SCP2: variants seen among roughly 807,000 people sequenced by gnomAD.
The protein encoded by SCP2 is sterol carrier protein 2, also known as SCP-2/3-oxoacyl-CoA thiolase.
In SCP2, 48 loss-of-function variants were observed where a neutral mutation model predicts 71.4. The ratio of observed to expected loss-of-function variants is 0.67; its 90% confidence interval spans 0.53 to 0.86. The LOEUF is 0.86. Among genes scored for constraint, SCP2 ranks in the 40% least tolerant of loss-of-function variants. The pLI, the probability that SCP2 is intolerant of heterozygous loss-of-function variation, is 0.00. For synonymous variants in SCP2, 220 were observed against 218.1 expected, an observed-to-expected ratio of 1.01 and a Z score of -0.08; for missense variants, 560 against 655.6, an observed-to-expected ratio of 0.85 and a Z score of 1.59.
chr1:52,979,873 A>G (rs1658321005), intron 9 of SCP2, among the ~76,000 whole-genome samples: 1 of 151,948 alleles, frequency 6.6e-6, no homozygotes, highest in Non-Finnish European at 1.5e-5. Flanking sequence ...TATAGAATCA[A>G]TTGACTGACC....
rs967380317 is a variant in SCP2, at chr1:52,980,476, A to G, written c.906A>G (p.Ile302Met). The stretch of plus-strand genomic sequence containing the variant: ...TGACACCAAATGATATTGACGTAAT[A>G]GAACTTCACGATTGCTTTTCTACCA... ...SGLTPNDIDV[I>M]ELHDCFSTNE... is the part of the protein sequence containing the mutation. The change falls in exon 10 of 16, where the codon ATA becomes ATG. Residue 302 changes from isoleucine (I) to methionine (M), a missense_variant. Physicochemically the swap from Ile to Met is conservative, Grantham distance 10. Coordinates refer to ENST00000371514, the MANE Select transcript of SCP2 (RefSeq NM_002979.5). 2.5e-6 allele frequency: 4 copies of G among 1,613,888 alleles called. No homozygotes were observed. In the Admixed American group the frequency reaches 5.0e-5, roughly 20 times the overall value.
chr1:52,995,826 G>C lies in SCP2; in HGVS notation c.1081+7690G>C, dbSNP rs545415340. 10 of 1,014,656 alleles carry C rather than the reference G, an allele frequency of 9.9e-6. No homozygotes were observed. The East Asian group carries it at 2.4e-4, about 24-fold the overall frequency. The allele number at this position is 1,014,656 out of a possible 1,614,324, so 62.9% of individuals were successfully genotyped here. A position where few individuals can be genotyped will look rare whatever the true frequency, so the allele number is the denominator to read the frequency against. ...AGCACGGCCATCCAGGAGCTCTTCAGGTGCATCTTGGAGCAGTTCACTGCC... is the reference window on the plus strand; with the variant it reads ...AGCACGGCCATCCAGGAGCTCTTCACGTGCATCTTGGAGCAGTTCACTGCC... On this transcript the variant is annotated intron_variant, in intron 11 of 15. Coordinates refer to ENST00000371514, the MANE Select transcript of SCP2 (RefSeq NM_002979.5).
At chr1:52,969,138 G>C (rs923371504) in intron 6 of SCP2, among the ~76,000 whole-genome samples, 1 of 151,056 alleles carries the variant, frequency 6.6e-6, no homozygotes, top group Non-Finnish European at 1.5e-5. Flanking sequence ...AGGCAGAAGA[G>C]GCAGGCATAC....
intron 15 of SCP2, chr1:53,049,201 C>T (rs1256319610): frequency 1.3e-5 from 2 of 152,266 alleles, no homozygotes; most frequent in Non-Finnish European, 2.9e-5. Context: ...ACATGCCATG[C>T]ACAGCTTTGG....
At position 52,948,038 on chromosome 1, in the gene SCP2, C is replaced by T. The variant is rs773719700; in HGVS notation, c.157C>T (p.Pro53Ser). ...GKKALADAQI[P>S]YSAVDQACVG... ...GAAGGCTTTAGCTGATGCACAGATC[C>T]CTTATTCAGCAGTGGACCAGGCATG... Residue 53 changes from proline (P) to serine (S), a missense_variant, in exon 3 of 16, where the codon CCT (proline) becomes TCT (serine). Physicochemically the swap from Pro to Ser is moderately conservative, Grantham distance 74 (BLOSUM62 -1). Around this residue, in one of 3 missense-constraint regions of SCP2, gnomAD observed 513 missense variants for 573.1 expected, o/e 0.90. Coordinates refer to ENST00000371514, the MANE Select transcript of SCP2 (RefSeq NM_002979.5). 7.4e-6 allele frequency: 12 copies of T among 1,613,088 alleles called. No homozygotes were observed. Among genetic ancestry groups the T allele is most frequent in the Admixed American group, 1.7e-5 (1 of 59,982 alleles).
chr1:53,048,198 G>C (rs1184879762), intron 15 of SCP2: 1 of 419,042 alleles, frequency 2.4e-6, no homozygotes, highest in East Asian at 5.4e-5. Context: ...GAGATCCAAG[G>C]TGCCACACCT....
chr1:52,976,542 C>T (rs1220104868), intron 7 of SCP2, 141 bp from the exon 8 acceptor site: 2 of 647,420 alleles, frequency 3.1e-6, no homozygotes, highest in Non-Finnish European at 2.8e-6. Context: ...AAGGTCAATT[C>T]AGATGACATT....
intron 11 of SCP2, among the ~76,000 whole-genome samples, chr1:53,007,385 C>T (rs1455306907): frequency 2.0e-5 from 3 of 152,178 alleles, no homozygotes; most frequent in Non-Finnish European, 4.4e-5. Context: ...AAGTAAAGCA[C>T]TCCTCAGCAA....
rs75730094 is a variant in SCP2 at position 52,999,202 on chromosome 1, C to T, written c.1081+11066C>T. ...ACATATTGAGGATTTGGATATACTT[C>T]GAGGAAATCTGGCACATGGCCATTA... On this transcript the variant is annotated intron_variant, in intron 11 of 15. Coordinates refer to ENST00000371514, the MANE Select transcript of SCP2 (RefSeq NM_002979.5). 6.2e-3 allele frequency among the ~76,000 whole-genome samples: 950 copies of T among 152,236 alleles called. 15 individuals are homozygous for T. Among genetic ancestry groups the T allele is most frequent in the African/African-American group, 0.022 (912 of 41,546 alleles).
In SCP2 at chr1:53,037,930, A is replaced by ACACACG. The variant is rs1491412643; in HGVS notation, c.1339-987_1339-986insCACACG. On this transcript the variant is annotated intron_variant, in intron 13 of 15. Coordinates refer to ENST00000371514, the MANE Select transcript of SCP2 (RefSeq NM_002979.5). ...CACACACACACACACACACACACACAGATCCAGATCCTGTCTCTATACACA... is the reference window on the plus strand; with the variant it reads ...CACACACACACACACACACACACACACACACGGATCCAGATCCTGTCTCTATACACA... 1.2e-4 allele frequency among the ~76,000 whole-genome samples: 14 copies of ACACACG among 119,588 alleles called. 1 individual carries two copies. Among genetic ancestry groups the ACACACG allele is most frequent in the Non-Finnish European group, 2.2e-4 (12 of 54,936 alleles). The allele number at this position is 119,588 out of a possible 152,430, so 78.5% of individuals were successfully genotyped here.
intron 9 of SCP2, among the ~76,000 whole-genome samples, chr1:52,979,996 C>T (rs115409760): frequency 0.03 from 4,399 of 148,596 alleles, 221 homozygotes; most frequent in African/African-American, 0.1. Flanking sequence ...TTTTTTGAGA[C>T]AGGATCTTGC....
chr1:53,046,556 T>A (rs1172570933), intron 14 of SCP2, among the ~76,000 whole-genome samples: 6 of 152,186 alleles, frequency 3.9e-5, no homozygotes, highest in African/African-American at 1.4e-4. Flanking sequence ...TTCTTTTTTT[T>A]ATCTTTTCCT....
chr1:52,961,461 TATC>T (rs1656438018), intron 5 of SCP2, 39 bp from the exon 6 acceptor site: 2 of 1,608,042 alleles, frequency 1.2e-6, no homozygotes, highest in South Asian at 2.2e-5. Context: ...AAGAGACACT[TATC>T]ATGTCAGCTG....
chr1:53,044,239 G>A (rs1663637038), intron 14 of SCP2, among the ~76,000 whole-genome samples: 2 of 152,060 alleles, frequency 1.3e-5, no homozygotes, highest in Admixed American at 6.6e-5. Context: ...TGTATTTTTA[G>A]TAGAGATGGG....
intron 11 of SCP2, among the ~76,000 whole-genome samples, chr1:52,988,789 C>T (rs1249856380): frequency 1.3e-5 from 2 of 151,596 alleles, no homozygotes; most frequent in Non-Finnish European, 2.9e-5. Flanking sequence ...GGGTTCAAGC[C>T]ATTCTCCTGC....
intron 11 of SCP2, among the ~76,000 whole-genome samples, chr1:52,992,038 T>C (rs1254294147): frequency 1.3e-5 from 2 of 152,204 alleles, no homozygotes; most frequent in Admixed American, 1.3e-4. Flanking sequence ...AATCAATATC[T>C]AGCAGGGAAT....
rs1223232043 is a variant in SCP2 at position 52,980,434 on chromosome 1, C to T, written c.864C>T (p.Cys288=). 6.2e-7 allele frequency: 1 copy of T among 1,614,072 alleles called. No homozygotes were observed. Among genetic ancestry groups the T allele is most frequent in the Admixed American group, 1.7e-5 (1 of 60,022 alleles). Residue 288 remains cysteine (C), a synonymous_variant, in exon 10 of 16, where the codon TGC becomes TGT. Coordinates refer to ENST00000371514, the MANE Select transcript of SCP2 (RefSeq NM_002979.5). The stretch of plus-strand genomic sequence containing the variant: ...TGAGTAAAGAAGCTGCAAGAAAATG[C>T]TATGAGAAATCTGGCCTGACACCAA... ...FDMSKEAARK[C]YEKSGLTPND...
chr1:52,956,671 T>C (rs980985713), intron 5 of SCP2, among the ~76,000 whole-genome samples: 4 of 152,136 alleles, frequency 2.6e-5, no homozygotes, highest in Admixed American at 6.6e-5. Flanking sequence ...GGAACAGTTT[T>C]AAAAACTGTC....
chr1:52,950,410 A>G (rs116927757), intron 3 of SCP2, among the ~76,000 whole-genome samples: 4,141 of 152,266 alleles, frequency 0.027, 149 homozygotes, highest in East Asian at 0.19. Flanking sequence ...ATGAGCCACC[A>G]CACCTGGCCA....
Sources: allele counts gnomAD v4.1 joint callset (sites outside exome capture counted in the v4.1 genomes callset), GRCh38; gene constraint gnomAD v4.1.1; regional missense constraint gnomAD v4.1.1; transcripts MANE v1.5; gene names NCBI Gene and HGNC (gene_info 2026-07-23, HGNC 2026-07-21).